The following SNTG1 variants were observed in gnomAD, a reference collection of about 807,000 sequenced individuals.
The protein encoded by SNTG1 is gamma-1-syntrophin.
In SNTG1, 39 loss-of-function variants were observed where a neutral mutation model predicts 74.7. That is an observed-to-expected ratio of 0.52 (90% CI 0.40 to 0.68). SNTG1 has a LOEUF of 0.68. Among genes scored for constraint, SNTG1 ranks in the 30% least tolerant of loss-of-function variants. The pLI, the probability that SNTG1 is intolerant of heterozygous loss-of-function variation, is 0.00. For missense variants in SNTG1, 685 were observed against 609.5 expected, an observed-to-expected ratio of 1.12 and a Z score of -1.30; for synonymous variants, 254 against 217.1, an observed-to-expected ratio of 1.17 and a Z score of -1.49.
Position 50,501,425 on chromosome 8 carries a change from G to GTTT in SNTG1, c.364-1326_364-1324dup, listed in dbSNP as rs59123896. ...GGAGCAGAGAGAGATGAGCCTGTGC[G>GTTT]TTTTTTTTTTTTTTTTTTTTTTTTT... On this transcript the variant is annotated intron_variant, in intron 8 of 18. Coordinates refer to ENST00000642720, the MANE Select transcript of SNTG1 (RefSeq NM_018967.5). Among the ~76,000 whole-genome samples the GTTT allele has an allele frequency of 1.6e-4, 9 of 57,096 alleles. 1 individual carries two copies. Among genetic ancestry groups the GTTT allele is most frequent in the South Asian group, 8.5e-4 (1 of 1,180 alleles). The allele number at this position is 57,096 out of a possible 152,430, so 37.5% of individuals were successfully genotyped here.
intron 2 of SNTG1, among the ~76,000 whole-genome samples, chr8:50,297,414 A>T (rs1440931573): frequency 6.6e-6 from 1 of 152,192 alleles, no homozygotes; most frequent in East Asian, 1.9e-4. Flanking sequence ...CAACCCCAGC[A>T]CACAATTTTT....
intron 11 of SNTG1, 124 bp downstream of exon 11, chr8:50,536,932 C>T (rs2094312574): frequency 8.4e-7 from 1 of 1,194,380 alleles, no homozygotes; most frequent in Non-Finnish European, 1.2e-6. Flanking sequence ...GAAAGAAGAG[C>T]TTCAAAATAA....
intron 1 of SNTG1, among the ~76,000 whole-genome samples, chr8:50,049,390 T>C (rs1819373825): frequency 6.6e-6 from 1 of 152,160 alleles, no homozygotes; most frequent in Non-Finnish European, 1.5e-5. Context: ...TAGGTCATTA[T>C]ATATAAAGGA....
chr8:49,965,441 C>T (rs1459550593), intron 1 of SNTG1, among the ~76,000 whole-genome samples: 2 of 152,188 alleles, frequency 1.3e-5, no homozygotes, highest in Non-Finnish European at 2.9e-5. Context: ...CTCTCAAGGA[C>T]ATTTCACTTT....
At chr8:50,647,883 C>G (rs538377192) in intron 13 of SNTG1, among the ~76,000 whole-genome samples, 3 of 144,894 alleles carry the variant, frequency 2.1e-5, no homozygotes, top group African/African-American at 7.9e-5. Context: ...CTGTAATTCC[C>G]ATTTTTACAT....
chr8:50,536,814 T>C lies in SNTG1; in HGVS notation c.680+6T>C, dbSNP rs765699946. On this transcript the variant is annotated splice_donor_region_variant and intron_variant, in intron 11 of 18. Transcript: ENST00000642720. ...CCCGGCACAGATTTGAGTCGGTGAG[T>C]CCGTGTTTAGGAGTTATGACTGTTT... is the stretch of plus-strand genomic sequence containing the variant. 1.9e-6 allele frequency: 3 copies of C among 1,613,604 alleles called. No individual in the cohort carries two copies. Among genetic ancestry groups the C allele is most frequent in the South Asian group, 1.1e-5 (1 of 91,020 alleles).
At chr8:50,693,392 G>A (rs1585555361) in intron 15 of SNTG1, among the ~76,000 whole-genome samples, 1 of 152,050 alleles carries the variant, frequency 6.6e-6, no homozygotes. Context: ...GGCAATCTTG[G>A]CTCCTCCCCC....
At chr8:50,511,740 C>T (rs2094078275) in intron 9 of SNTG1, among the ~76,000 whole-genome samples, 1 of 152,114 alleles carries the variant, frequency 6.6e-6, no homozygotes, top group Non-Finnish European at 1.5e-5. Flanking sequence ...ATTGCAACCT[C>T]TGCCTTTTTT....
chr8:50,671,042 T>C (rs1269154733), intron 15 of SNTG1, among the ~76,000 whole-genome samples: 1 of 150,680 alleles, frequency 6.6e-6, no homozygotes, highest in African/African-American at 2.5e-5. Flanking sequence ...AAAAATTAAT[T>C]CCAGATGGAT....
chr8:50,028,956 A>G (rs1817514305), intron 1 of SNTG1, among the ~76,000 whole-genome samples: 1 of 151,840 alleles, frequency 6.6e-6, no homozygotes, highest in Non-Finnish European at 1.5e-5. Flanking sequence ...TCTTTTGTCC[A>G]TTTTCAAATT....
At chr8:50,444,399 CAA>C (rs2093386419) in intron 5 of SNTG1, among the ~76,000 whole-genome samples, 1 of 152,088 alleles carries the variant, frequency 6.6e-6, no homozygotes, top group Non-Finnish European at 1.5e-5. Context: ...CATTTTTACT[CAA>C]GTCTGATTCA....
intron 1 of SNTG1, among the ~76,000 whole-genome samples, chr8:50,017,257 A>G (rs1410919710): frequency 6.6e-6 from 1 of 152,070 alleles, no homozygotes; most frequent in Non-Finnish European, 1.5e-5. Context: ...AAATTATTTG[A>G]TAGCTTAACA....
At position 50,060,552 on chromosome 8, in the gene SNTG1, C is replaced by CT. The variant is rs975578168; in HGVS notation, c.-102-112000dup. Among the ~76,000 whole-genome samples, 607 of 151,014 alleles carry CT rather than the reference C, an allele frequency of 4.0e-3. 3 individuals carry two copies. The highest frequency in any genetic ancestry group is 6.8e-3 in the Middle Eastern group (2 of 292). ...GGTGTGATTTATGGGGATTTCTTCCCTTTTTTTTTCTTATCCAGAGGCTTA... is the reference window on the plus strand; with the variant it reads ...GGTGTGATTTATGGGGATTTCTTCCCTTTTTTTTTTCTTATCCAGAGGCTTA... On this transcript the variant is annotated intron_variant, in intron 1 of 18. Coordinates refer to ENST00000642720, the MANE Select transcript of SNTG1 (RefSeq NM_018967.5).
chr8:50,581,885 T>C (rs562137218), intron 12 of SNTG1, among the ~76,000 whole-genome samples: 2 of 152,306 alleles, frequency 1.3e-5, no homozygotes, highest in East Asian at 1.9e-4. Context: ...ATAGACCTTG[T>C]CATACAAACA....
rs570613406 is a variant in SNTG1 at position 50,557,221 on chromosome 8, C to CAAAAA, written c.810+4055_810+4059dup. On this transcript the variant is annotated intron_variant, in intron 12 of 18. Transcript: ENST00000642720. ...GAGGTTGGAGAGTAGGGGAGAAAACCAAAAAAAAAAAAAAAAACAGGATGA... is the reference window on the plus strand; with the variant it reads ...GAGGTTGGAGAGTAGGGGAGAAAACCAAAAAAAAAAAAAAAAAAAAAACAGGATGA... Among the ~76,000 whole-genome samples, 519 of 71,610 alleles carry CAAAAA rather than the reference C, an allele frequency of 7.2e-3. 2 individuals carry two copies. Among genetic ancestry groups the CAAAAA allele is most frequent in the African/African-American group, 0.024 (484 of 20,114 alleles). 47.0% of individuals were successfully genotyped at this position (71,610 alleles called of 152,430 possible). A position where few individuals can be genotyped will look rare whatever the true frequency, so the allele number is the denominator to read the frequency against.
intron 2 of SNTG1, among the ~76,000 whole-genome samples, chr8:50,337,375 T>C (rs1016953192): frequency 6.6e-6 from 1 of 152,210 alleles, no homozygotes; most frequent in African/African-American, 2.4e-5. Flanking sequence ...TTAAATCTCC[T>C]AGAGGTCAAG....
intron 1 of SNTG1, among the ~76,000 whole-genome samples, chr8:50,029,204 A>G (rs1817538334): frequency 6.6e-6 from 1 of 152,038 alleles, no homozygotes; most frequent in Admixed American, 6.6e-5. Flanking sequence ...TTTAATTATT[A>G]TAGGCTCATA....
At chr8:50,297,876 G>C (rs1399991959) in intron 2 of SNTG1, among the ~76,000 whole-genome samples, 3 of 147,994 alleles carry the variant, frequency 2.0e-5, no homozygotes, top group African/African-American at 7.4e-5. Context: ...GTTGAAATAT[G>C]TGGCTTTTTT....
chr8:50,309,746 G>T (rs1215003089), intron 2 of SNTG1, among the ~76,000 whole-genome samples: 1 of 152,170 alleles, frequency 6.6e-6, no homozygotes, highest in Non-Finnish European at 1.5e-5. Context: ...AAAGGAAAAT[G>T]TGTATCTAAT....
Sources: allele counts gnomAD v4.1 joint callset (sites outside exome capture counted in the v4.1 genomes callset), GRCh38; gene constraint gnomAD v4.1.1; transcripts MANE v1.5; gene names NCBI Gene and HGNC (gene_info 2026-07-23, HGNC 2026-07-21).